Variants in TOGARAM2 observed in about 807,000 individuals in gnomAD.
The protein encoded by TOGARAM2 is TOG array regulator of axonemal microtubules 2, also known as TOG array regulator of axonemal microtubules protein 2.
TOGARAM2 carries 85 observed loss-of-function variants against 93.3 expected under a neutral mutation model. That is an observed-to-expected ratio of 0.91 (90% CI 0.76 to 1.09). TOGARAM2 has a LOEUF of 1.09. Among genes scored for constraint, TOGARAM2 ranks in the 50% least tolerant of loss-of-function variants. The pLI, the probability that TOGARAM2 is intolerant of heterozygous loss-of-function variation, is 0.00. For synonymous variants in TOGARAM2, 593 were observed against 552.8 expected, an observed-to-expected ratio of 1.07 and a Z score of -1.02; for missense variants, 1,277 against 1,334.5, an observed-to-expected ratio of 0.96 and a Z score of 0.67.
chr2:28,981,734 T>C (rs1457684458), intron 1 of TOGARAM2, among the ~76,000 whole-genome samples, 196 bp downstream of exon 1: 1 of 152,214 alleles, frequency 6.6e-6, no homozygotes, highest in Non-Finnish European at 1.5e-5. Context: ...TTTCTGGGCC[T>C]TCATGTGGCA....
intron 19 of TOGARAM2, chr2:29,050,741 T>C (rs1056083495): frequency 5.3e-5 from 8 of 152,236 alleles, no homozygotes; most frequent in African/African-American, 1.4e-4. Flanking sequence ...AGGCAGAGCA[T>C]GTGAATCGCA....
intron 7 of TOGARAM2, 114 bp downstream of exon 7, chr2:29,011,615 C>T: frequency 9.3e-7 from 1 of 1,070,238 alleles, no homozygotes. Context: ...GTGTCTGGGC[C>T]CTTCATTTCA....
At chr2:28,989,334 A>T (rs1244504425) in intron 1 of TOGARAM2, among the ~76,000 whole-genome samples, 2 of 151,272 alleles carry the variant, frequency 1.3e-5, no homozygotes, top group African/African-American at 2.4e-5. Flanking sequence ...TACAGGTGTA[A>T]GCCGCCATAC....
At position 29,002,521 on chromosome 2, in the gene TOGARAM2, C is replaced by T. The variant is rs1322149442; in HGVS notation, c.428-15C>T. The T allele has an allele frequency of 4.4e-6, 7 of 1,608,302 alleles. No homozygotes were observed. Among genetic ancestry groups the T allele is most frequent in the Non-Finnish European group, 5.9e-6 (7 of 1,176,570 alleles). ...TTCTGGGACTAACTGATTTCCCATC[C>T]CCATCCCTGTACAGCCTCTCTGGAT... is the stretch of plus-strand genomic sequence containing the variant. On this transcript the variant is annotated splice_polypyrimidine_tract_variant and intron_variant, in intron 4 of 19. Coordinates refer to ENST00000379558, the MANE Select transcript of TOGARAM2 (RefSeq NM_199280.4).
intron 1 of TOGARAM2, among the ~76,000 whole-genome samples, chr2:28,986,217 A>G (rs1343682654): frequency 2.0e-5 from 3 of 151,462 alleles, no homozygotes; most frequent in Non-Finnish European, 2.9e-5. Flanking sequence ...CCTGCTTGTC[A>G]CTTATCTCAT....
In TOGARAM2 at chr2:29,044,773, T is replaced by C. The variant is rs573832691; in HGVS notation, c.2636-551T>C. ...GAAATGAACCACCACCAGCTGTGGG[T>C]ACATCTTGGTGGGTAGAGCACAAAT... On this transcript the variant is annotated intron_variant, in intron 18 of 19. Transcript: ENST00000379558. Among the ~76,000 whole-genome samples the C allele has an allele frequency of 6.6e-5, 10 of 152,224 alleles. No individual in the cohort carries two copies. In the South Asian group the frequency reaches 2.1e-3, roughly 32 times the overall value.
At chr2:29,027,205 C>T (rs889750335) in intron 14 of TOGARAM2, among the ~76,000 whole-genome samples, 194 bp downstream of exon 14, 1 of 152,226 alleles carries the variant, frequency 6.6e-6, no homozygotes, top group Admixed American at 6.5e-5. Context: ...GGGGTCCTTA[C>T]TCCCTGCCTC....
At chr2:29,038,917 TGGAG>T (rs1385942245) in intron 18 of TOGARAM2, among the ~76,000 whole-genome samples, 1 of 152,192 alleles carries the variant, frequency 6.6e-6, no homozygotes, top group African/African-American at 2.4e-5. Flanking sequence ...AGGTCAGAAC[TGGAG>T]GGAGTAGGTT....
At chr2:28,969,218 C>G (rs1671911705) in intron 1 of TOGARAM2, among the ~76,000 whole-genome samples, 2 of 152,310 alleles carry the variant, frequency 1.3e-5, no homozygotes, top group South Asian at 4.1e-4. Flanking sequence ...TGCAGGCCAT[C>G]TCTGGGGGAT....
At position 29,017,287 on chromosome 2, in the gene TOGARAM2, G is replaced by T; in HGVS notation, c.1178G>T (p.Arg393Ile). The change falls in exon 9 of 20, where the codon AGA (arginine) becomes ATA (isoleucine). Residue 393 changes from arginine (R) to isoleucine (I), a missense_variant. By Grantham distance (97) the Arg-to-Ile change is moderately conservative. Transcript: ENST00000379558. ...ACTTCCCAGTGCCTGGGCTCCCAGA[G>T]AGCCTTCATGAAGGAAGGTACTGGG... Reference protein sequence around the residue: ...ELTSQCLGSQRAFMKEGLLPL... With the variant: ...ELTSQCLGSQIAFMKEGLLPL... 2.5e-6 allele frequency: 4 copies of T among 1,608,506 alleles called. No individual in the cohort carries two copies. The highest frequency in any genetic ancestry group is 3.4e-6 in the Non-Finnish European group (4 of 1,177,714).
intron 1 of TOGARAM2, among the ~76,000 whole-genome samples, chr2:28,959,425 A>G (rs1269205440): frequency 6.6e-6 from 1 of 152,196 alleles, no homozygotes. Context: ...TTCTTTTCCC[A>G]ACTTAGGAAA....
chr2:29,036,880 A>T (rs1454204565), intron 18 of TOGARAM2, 123 bp downstream of exon 18: 7 of 977,868 alleles, frequency 7.2e-6, no homozygotes, highest in Middle Eastern at 3.1e-4. Flanking sequence ...GAGGCTGTGT[A>T]GGGCAGAGGT....
chr2:28,959,536 A>G (rs1011743591), intron 1 of TOGARAM2, among the ~76,000 whole-genome samples: 5 of 152,152 alleles, frequency 3.3e-5, no homozygotes, highest in South Asian at 2.1e-4. Flanking sequence ...GGCGGATCAC[A>G]AGGTCAGGAA....
At chr2:29,008,145 T>A (rs1483613838) in intron 6 of TOGARAM2, among the ~76,000 whole-genome samples, 2 of 152,264 alleles carry the variant, frequency 1.3e-5, no homozygotes, top group Non-Finnish European at 2.9e-5. Flanking sequence ...ATTTGTTTTT[T>A]ATTTTTTATT....
chr2:29,042,546 G>C (rs139217074), intron 18 of TOGARAM2, among the ~76,000 whole-genome samples: 106 of 152,274 alleles, frequency 7.0e-4, no homozygotes, highest in Admixed American at 4.0e-3. Context: ...AGAACACTCG[G>C]GGGGGCTACA....
chr2:28,997,593 A>G (rs1485720468), intron 2 of TOGARAM2, among the ~76,000 whole-genome samples: 1 of 152,196 alleles, frequency 6.6e-6, no homozygotes, highest in Admixed American at 6.5e-5. Context: ...GAGGGACGTT[A>G]GGAGAGAAGA....
intron 1 of TOGARAM2, among the ~76,000 whole-genome samples, chr2:28,987,531 C>T (rs571023639): frequency 5.0e-4 from 76 of 152,312 alleles, no homozygotes; most frequent in African/African-American, 1.6e-3. Flanking sequence ...CCTCGTGATC[C>T]GCCCACCTCG....
chr2:28,986,112 C>CAAAAAAAAAAAAAAAAAAAAAAAAAAA (rs34903095), intron 1 of TOGARAM2, among the ~76,000 whole-genome samples: 1 of 95,058 alleles, frequency 1.1e-5, no homozygotes, highest in African/African-American at 4.3e-5. Flanking sequence ...AACTGTGTCT[C>CAAAAAAAAAAAAAAAAAAAAAAAAAAA]AAAAAAAAAA....
At chr2:29,040,314 A>C (rs1572780134) in intron 18 of TOGARAM2, among the ~76,000 whole-genome samples, 1 of 152,340 alleles carries the variant, frequency 6.6e-6, no homozygotes, top group South Asian at 2.1e-4. Context: ...ACTGTAAAGA[A>C]GTCATACTTA....
Sources: allele counts gnomAD v4.1 joint callset (sites outside exome capture counted in the v4.1 genomes callset), GRCh38; gene constraint gnomAD v4.1.1; transcripts MANE v1.5; gene names NCBI Gene and HGNC (gene_info 2026-07-23, HGNC 2026-07-21).